The following ATP5MC1 variants were observed in gnomAD, a reference collection of about 807,000 sequenced individuals.
ATP5MC1 encodes ATP synthase membrane subunit c locus 1.
In ATP5MC1, 4 loss-of-function variants were observed where a neutral mutation model predicts 12.1. That is an observed-to-expected ratio of 0.33 (90% CI 0.16 to 0.76). The LOEUF is 0.76. Ranked by LOEUF, ATP5MC1 falls within the 30% of genes least tolerant of loss-of-function variation. ATP5MC1 has a pLI of 0.61. For synonymous variants in ATP5MC1, 52 were observed against 66.0 expected (o/e 0.79, Z 1.03); for missense variants, 117 against 172.1 (o/e 0.68, Z 1.79).
At chr17:48,893,100 G>A (rs1274957625) in intron 1 of ATP5MC1, 190 bp downstream of exon 1, 4 of 412,262 alleles carry the variant, frequency 9.7e-6, no homozygotes, top group Admixed American at 4.0e-5. Flanking sequence ...TGTAAGATGG[G>A]CAGGATCCTG....
At chr17:48,894,271 C>T in intron 2 of ATP5MC1, 101 bp from the exon 3 acceptor site, 1 of 1,144,432 alleles carries the variant, frequency 8.7e-7, no homozygotes, top group African/African-American at 1.5e-5. Flanking sequence ...ATACATTGAA[C>T]TTATTCTGTT....
Position 48,892,855 on chromosome 17 carries a change from T to A in ATP5MC1, c.-65T>A. The A allele has an allele frequency of 6.5e-6, 1 of 154,894 alleles. No homozygotes were observed. The highest frequency in any genetic ancestry group is 1.4e-5 in the Non-Finnish European group (1 of 69,628). The allele number at this position is 154,894 out of a possible 1,614,324, so 9.6% of individuals were successfully genotyped here. On this transcript the variant is annotated 5_prime_UTR_variant, in exon 1 of 5. It adds an upstream start codon to the 5' untranslated region. Coordinates refer to ENST00000393366, the MANE Select transcript of ATP5MC1 (RefSeq NM_005175.3). Reference sequence around the variant, plus strand: ...AAAGCTGGGAGGTGAGTCTGTCACCTTGAGCCGGGCGAGCGCTGTGGGCCA... The same window carrying A: ...AAAGCTGGGAGGTGAGTCTGTCACCATGAGCCGGGCGAGCGCTGTGGGCCA...
chr17:48,893,160 C>T, intron 1 of ATP5MC1: 2 of 505,198 alleles, frequency 4.0e-6, no homozygotes, highest in East Asian at 3.2e-5. Context: ...AGACCATTCC[C>T]TTTCGCAACA....
At chr17:48,894,203 A>G in intron 2 of ATP5MC1, 169 bp from the exon 3 acceptor site, 1 of 645,422 alleles carries the variant, frequency 1.5e-6, no homozygotes, top group East Asian at 2.8e-5. Context: ...CAAGCTATTG[A>G]GACAGCTGTC....
intron 1 of ATP5MC1, 50 bp from the exon 2 acceptor site, chr17:48,893,359 C>A (rs2143730888): frequency 1.9e-6 from 3 of 1,596,888 alleles, no homozygotes; most frequent in East Asian, 2.2e-5. Context: ...TATAAGCAAA[C>A]AACCAGGGTC....
chr17:48,894,674 T>TG (rs1567772125), intron 3 of ATP5MC1: 1 of 522,088 alleles, frequency 1.9e-6, no homozygotes, highest in Non-Finnish European at 3.5e-6. Context: ...AGGGCTGAGA[T>TG]GAGAGGATTG....
At chr17:48,893,306 G>A (rs1331804249) in intron 1 of ATP5MC1, 103 bp from the exon 2 acceptor site, 16 of 1,203,050 alleles carry the variant, frequency 1.3e-5, no homozygotes, top group African/African-American at 3.0e-5. Flanking sequence ...GCGTGGTCTA[G>A]GGAGGACGGA....
chr17:48,895,666 T>G lies in ATP5MC1; in HGVS notation c.308T>G (p.Leu103Arg). 1 of 1,613,768 alleles carries G rather than the reference T, an allele frequency of 6.2e-7. No homozygotes were observed. Among genetic ancestry groups the G allele is most frequent in the South Asian group, 1.1e-5 (1 of 91,074 alleles). ...LIIGYARNPS[L>R]KQQLFSYAIL... Reference sequence around the variant, plus strand: ...TCTGTCCCTCCCAGGAACCCGTCTCTCAAGCAGCAGCTCTTCTCCTATGCC... The same window carrying G: ...TCTGTCCCTCCCAGGAACCCGTCTCGCAAGCAGCAGCTCTTCTCCTATGCC... Residue 103 changes from leucine to arginine, a missense_variant, in exon 5 of 5, where the codon CTC (leucine) becomes CGC (arginine). Physicochemically the swap from Leu to Arg is moderately radical, Grantham distance 102. Transcript: ENST00000393366.
In ATP5MC1 at chr17:48,895,331, C is replaced by T. The variant is rs2040562839; in HGVS notation, c.293C>T (p.Ala98Val). The T allele has an allele frequency of 4.4e-6, 7 of 1,585,976 alleles. No homozygotes were observed. In the South Asian group the frequency reaches 5.6e-5, roughly 13 times the overall value. ...TVFGSLIIGY[A>V]RNPSLKQQLF... ...TTTGGCAGCTTGATCATTGGCTATG[C>T]CAGGTAAGTTTGGGTGGTCTACAGC... Residue 98 changes from alanine (A) to valine (V), a missense_variant, in exon 4 of 5, where the codon GCC becomes GTC. Ala to Val is a moderately conservative substitution (Grantham distance 64). Transcript: ENST00000393366.
At chr17:48,895,425 AG>A in intron 4 of ATP5MC1, 91 bp downstream of exon 4, 1 of 1,492,608 alleles carries the variant, frequency 6.7e-7, no homozygotes, top group Non-Finnish European at 9.0e-7. Flanking sequence ...AGGAGCCTTC[AG>A]GTTGATTTCA....
intron 3 of ATP5MC1, chr17:48,894,705 C>A: frequency 2.0e-6 from 1 of 506,634 alleles, no homozygotes; most frequent in Non-Finnish European, 3.6e-6. Context: ...GAGGTCGAGA[C>A]TGCTGTGACT....
chr17:48,894,578 G>A (rs2040555784), intron 3 of ATP5MC1, 129 bp downstream of exon 3: 2 of 897,890 alleles, frequency 2.2e-6, no homozygotes, highest in South Asian at 3.0e-5. Flanking sequence ...GACCAGCCTG[G>A]GCAACACAGT....
rs1011125551 is a variant in ATP5MC1 at position 48,893,775 on chromosome 17, C to G, written c.39+319C>G. 14 of 456,666 alleles carry G rather than the reference C, an allele frequency of 3.1e-5. 1 individual carries two copies. The highest frequency in any genetic ancestry group is 3.5e-5 in the Non-Finnish European group (9 of 254,144). The allele number at this position is 456,666 out of a possible 1,614,324, so 28.3% of individuals were successfully genotyped here. ...AGGGAACTTTTTAAAATCCTGATGC[C>G]TAGGCTGCACCTTAGACCATTTGCA... On this transcript the variant is annotated intron_variant, in intron 2 of 4. Coordinates refer to ENST00000393366, the MANE Select transcript of ATP5MC1 (RefSeq NM_005175.3).
chr17:48,895,165 A>G lies in ATP5MC1; in HGVS notation c.127A>G (p.Ser43Gly). The G allele has an allele frequency of 1.2e-6, 2 of 1,604,640 alleles. No individual in the cohort carries two copies. Among genetic ancestry groups the G allele is most frequent in the Non-Finnish European group, 1.7e-6 (2 of 1,172,456 alleles). The change falls in exon 4 of 5, where the codon AGC (serine) becomes GGC (glycine). Residue 43 changes from serine to glycine, a missense_variant. By Grantham distance (56) the Ser-to-Gly change is moderately conservative. Coordinates refer to ENST00000393366, the MANE Select transcript of ATP5MC1 (RefSeq NM_005175.3). Reference protein sequence around the residue: ...PVNSSKQPSYSNFPLQVARRE... With the variant: ...PVNSSKQPSYGNFPLQVARRE... ...TTGCTTCTCTTTCTAGCCTTCCTAC[A>G]GCAACTTCCCACTCCAGGTGGCCAG...
chr17:48,893,595 A>G (rs1322504242), intron 2 of ATP5MC1, 139 bp downstream of exon 2: 2 of 972,348 alleles, frequency 2.1e-6, no homozygotes, highest in African/African-American at 3.2e-5. Flanking sequence ...TGATGAAGGT[A>G]ACCCCTGTTT....
chr17:48,895,497 G>T, intron 4 of ATP5MC1, 158 bp from the exon 5 acceptor site: 2 of 1,330,188 alleles, frequency 1.5e-6, no homozygotes, highest in Non-Finnish European at 2.1e-6. Flanking sequence ...AAACTTACCA[G>T]GTTGGCCCAC....
intron 1 of ATP5MC1, 156 bp downstream of exon 1, chr17:48,893,066 G>T (rs1567771563): frequency 3.4e-5 from 11 of 327,574 alleles, no homozygotes; most frequent in Non-Finnish European, 5.6e-5. Flanking sequence ...GACTGCCTCG[G>T]CTGGGGCGGG....
intron 3 of ATP5MC1, chr17:48,894,652 C>G (rs954666410): frequency 5.6e-5 from 30 of 540,380 alleles, no homozygotes; most frequent in Non-Finnish European, 9.9e-5. Context: ...TGGCTGTAGT[C>G]CCAGTTACTC....
chr17:48,894,549 C>G, intron 3 of ATP5MC1, 100 bp downstream of exon 3: 2 of 1,239,284 alleles, frequency 1.6e-6, no homozygotes, highest in Non-Finnish European at 2.3e-6. Flanking sequence ...GAGAGGATCA[C>G]TTGAGCCCAG....
Sources: allele counts gnomAD v4.1 joint callset, GRCh38; gene constraint gnomAD v4.1.1; transcripts MANE v1.5; gene names NCBI Gene and HGNC (gene_info 2026-07-23, HGNC 2026-07-21).